The following CIT variants were observed in gnomAD, a reference collection of about 807,000 sequenced individuals.
CIT encodes citron Rho-interacting kinase.
CIT carries 79 observed loss-of-function variants against 272.7 expected under a neutral mutation model. That is an observed-to-expected ratio of 0.29 (90% CI 0.24 to 0.35). The LOEUF (loss-of-function observed/expected upper bound fraction) is 0.35. Ranked by LOEUF, CIT falls within the 10% of genes least tolerant of loss-of-function variation. CIT has a pLI of 1.00. For synonymous variants in CIT, 948 were observed against 995.6 expected, an observed-to-expected ratio of 0.95 and a Z score of 0.90; for missense variants, 1,909 against 2,618.3, an observed-to-expected ratio of 0.73 and a Z score of 5.91.
chr12:119,713,546 T>C lies in CIT; in HGVS notation c.4409A>G (p.Asp1470Gly). ...CTGGAGACCTGGGGAGTTCATTTTG[T>C]CACGGCAGAAGGCCTCGGTGAAGTG... is the stretch of plus-strand genomic sequence containing the variant. ...ATHFTEAFCRDKMNSPGLQTK... is the reference protein window; with the variant it reads ...ATHFTEAFCRGKMNSPGLQTK... The change falls in exon 34 of 48, where the codon GAC becomes GGC. Residue 1470 changes from aspartate to glycine, a missense_variant. Transcript: ENST00000392521. The surrounding 1 kb of genome is among the most constrained non-coding windows in gnomAD (Gnocchi z 5.2). 1 of 1,614,210 alleles carries C rather than the reference T, an allele frequency of 6.2e-7. No individual in the cohort carries two copies. Among genetic ancestry groups the C allele is most frequent in the Non-Finnish European group, 8.5e-7 (1 of 1,180,030 alleles).
intron 17 of CIT, among the ~76,000 whole-genome samples, chr12:119,772,229 T>A (rs1338388041): frequency 6.6e-6 from 1 of 152,210 alleles, no homozygotes; most frequent in Non-Finnish European, 1.5e-5. Flanking sequence ...TTTTATCCTA[T>A]ATTCTTCTGT....
chr12:119,785,182 C>A, intron 10 of CIT, 117 bp from the exon 11 acceptor site: 1 of 1,073,176 alleles, frequency 9.3e-7, no homozygotes, highest in South Asian at 1.6e-5. Context: ...GATGTTAGGT[C>A]AAATAATGCC....
At chr12:119,823,141 A>T (rs1967869006) in intron 8 of CIT, among the ~76,000 whole-genome samples, 168 bp from the exon 9 acceptor site, 1 of 152,090 alleles carries the variant, frequency 6.6e-6, no homozygotes. Context: ...TCCCAAAATA[A>T]GTGGCCTGTT....
intron 7 of CIT, among the ~76,000 whole-genome samples, chr12:119,828,721 C>A (rs1290793339): frequency 1.3e-5 from 2 of 152,240 alleles, no homozygotes; most frequent in East Asian, 3.9e-4. Context: ...CACCACCACA[C>A]CCAGCTAACT....
At chr12:119,717,281 A>C (rs1028885206) in intron 32 of CIT, among the ~76,000 whole-genome samples, 1 of 151,870 alleles carries the variant, frequency 6.6e-6, no homozygotes, top group Admixed American at 6.6e-5. Context: ...CGAACTCCCA[A>C]CCTCAGGTGA....
rs367995861 is a variant in CIT at position 119,876,159 on chromosome 12, A to G, written c.10T>C (p.Phe4Leu). The G allele has an allele frequency of 1.2e-6, 2 of 1,612,876 alleles. No individual in the cohort carries two copies. Among genetic ancestry groups the G allele is most frequent in the African/African-American group, 2.7e-5 (2 of 74,868 alleles). ...AAAGGATTCCGCGCTCCATATTTGAACTTCAACATCTCCCCACTGGCGCTG... is the reference window on the plus strand; with the variant it reads ...AAAGGATTCCGCGCTCCATATTTGAGCTTCAACATCTCCCCACTGGCGCTG... MLKFKYGARNPLDA... is the reference protein window; with the variant it reads MLKLKYGARNPLDA... The change falls in exon 2 of 48, where the codon TTC becomes CTC. Residue 4 changes from phenylalanine (F) to leucine (L), a missense_variant. Physicochemically the swap from Phe to Leu is conservative, Grantham distance 22. Around this residue, in one of 8 missense-constraint regions of CIT, gnomAD observed 529 missense variants for 549.6 expected, o/e 0.96. Transcript: ENST00000392521.
chr12:119,817,719 G>C (rs1215402748), intron 9 of CIT, among the ~76,000 whole-genome samples: 1 of 152,096 alleles, frequency 6.6e-6, no homozygotes, highest in East Asian at 1.9e-4. Context: ...ACCAGCACCT[G>C]ACATTGCACT....
At chr12:119,847,662 G>A (rs1180809489) in intron 5 of CIT, among the ~76,000 whole-genome samples, 2 of 151,950 alleles carry the variant, frequency 1.3e-5, no homozygotes, top group African/African-American at 2.4e-5. Context: ...AGGCCAAGGC[G>A]GGCAGATCAT....
intron 9 of CIT, among the ~76,000 whole-genome samples, chr12:119,807,890 TA>T (rs59380143): frequency 5.5e-4 from 79 of 143,830 alleles, no homozygotes; most frequent in Admixed American, 5.6e-4. Flanking sequence ...GAAAAGCCAC[TA>T]AAAAAAAAAA....
At chr12:119,822,576 GGATAATATTCTAAAGGC>G (rs1967813424) in intron 9 of CIT, among the ~76,000 whole-genome samples, 1 of 152,102 alleles carries the variant, frequency 6.6e-6, no homozygotes, top group Non-Finnish European at 1.5e-5. Context: ...ACTTACTGAG[GGATAATATTCTAAAGGC>G]CACATAAACA....
Position 119,752,200 on chromosome 12 carries a change from G to A in CIT, c.2754C>T (p.Leu918=), listed in dbSNP as rs1413643019. The A allele has an allele frequency of 6.8e-6, 11 of 1,611,142 alleles. No homozygotes were observed. The highest frequency in any genetic ancestry group is 8.5e-6 in the Non-Finnish European group (10 of 1,179,864). The change falls in exon 23 of 48, where the codon CTC becomes CTT. Residue 918 remains leucine (L), a synonymous_variant. Coordinates refer to ENST00000392521, the MANE Select transcript of CIT (RefSeq NM_001206999.2). The part of the protein sequence containing the change: ...EEQKLELKRQ[L]TELQLSLQER... The stretch of plus-strand genomic sequence containing the variant: ...CCTGCAGGGAGAGCTGTAGCTCTGT[G>A]AGCTGGCGCTTGAGCTCCAGTTTCT...
At chr12:119,832,630 G>C in intron 7 of CIT, 141 bp downstream of exon 7, 1 of 610,594 alleles carries the variant, frequency 1.6e-6, no homozygotes, top group Non-Finnish European at 2.9e-6. Flanking sequence ...AAATGGTTCT[G>C]TGTCCCTGTC....
chr12:119,851,807 C>T (rs975291381), intron 4 of CIT, among the ~76,000 whole-genome samples: 1 of 152,182 alleles, frequency 6.6e-6, no homozygotes, highest in African/African-American at 2.4e-5. Flanking sequence ...GAGGCCAAGG[C>T]CGGAAGACTG....
At chr12:119,737,844 T>C (rs371814907) in intron 24 of CIT, among the ~76,000 whole-genome samples, 2 of 152,330 alleles carry the variant, frequency 1.3e-5, no homozygotes, top group East Asian at 1.9e-4. Context: ...ACCCAAGCCA[T>C]AACACATTTA....
rs558401364 is a variant in CIT at position 119,874,556 on chromosome 12, A to T, written c.96+1517T>A. The stretch of plus-strand genomic sequence containing the variant: ...TACATCAGAAACAAAAGAATTAAAA[A>T]TCTATTTGGAAGTAATCTTATGATA... On this transcript the variant is annotated intron_variant, in intron 2 of 47. Coordinates refer to ENST00000392521, the MANE Select transcript of CIT (RefSeq NM_001206999.2). 1.4e-4 allele frequency among the ~76,000 whole-genome samples: 21 copies of T among 152,290 alleles called. No individual in the cohort carries two copies. The South Asian group carries it at 4.1e-3, about 30-fold the overall frequency.
intron 10 of CIT, among the ~76,000 whole-genome samples, chr12:119,793,773 C>T (rs371987290): frequency 4.6e-5 from 7 of 152,216 alleles, no homozygotes; most frequent in African/African-American, 1.7e-4. Flanking sequence ...GATGCTTGCT[C>T]CTTTGCATTC....
Position 119,690,160 on chromosome 12 carries a change from C to G in CIT, c.6177G>C (p.Gln2059His). The change falls in exon 47 of 48, where the codon CAG becomes CAC. Residue 2059 changes from glutamine (Q) to histidine (H), a missense_variant. By Grantham distance (24) the Gln-to-His change is conservative (BLOSUM62 0). Transcript: ENST00000392521. This position sits in a 1 kb window ranked among gnomAD's most constrained non-coding sequence, Gnocchi z 6.0. ...CGGAATGCTGCCTCACCTTGTTCACCTGGGACAGCGGGGTCCTCACGGCTC... is the reference window on the plus strand; with the variant it reads ...CGGAATGCTGCCTCACCTTGTTCACGTGGGACAGCGGGGTCCTCACGGCTC... ...PAGAVRTPLS[Q>H]VNKVWDQSSV The G allele has an allele frequency of 6.8e-7, 1 of 1,471,492 alleles. No individual in the cohort carries two copies. The highest frequency in any genetic ancestry group is 1.4e-5 in the African/African-American group (1 of 69,016). 91.2% of individuals were successfully genotyped at this position (1,471,492 alleles called of 1,614,324 possible). A position where few individuals can be genotyped will look rare whatever the true frequency, so the allele number is the denominator to read the frequency against.
In CIT at chr12:119,710,458, A is replaced by G; in HGVS notation, c.4936-72T>C. On this transcript the variant is annotated intron_variant, in intron 38 of 47. Transcript: ENST00000392521. This position sits in a 1 kb window ranked among gnomAD's most constrained non-coding sequence, Gnocchi z 5.6. The stretch of plus-strand genomic sequence containing the variant: ...ACCAGAACAATCTCTAGTAAGAGCA[A>G]CAAGGCCTCCACAGCCCTTTCTTTC... The G allele has an allele frequency of 6.2e-7, 1 of 1,612,782 alleles. No homozygotes were observed.
Position 119,839,129 on chromosome 12 carries a change from T to G in CIT, c.517-4901A>C, listed in dbSNP as rs1302720315. ...ATCTCACATGTGTTCAGTTTGGAAGTAGCGGCTGCTTCTCTGTTGGTGTTT... is the reference window on the plus strand; with the variant it reads ...ATCTCACATGTGTTCAGTTTGGAAGGAGCGGCTGCTTCTCTGTTGGTGTTT... On this transcript the variant is annotated intron_variant, in intron 5 of 47. Transcript: ENST00000392521. 3.3e-5 allele frequency among the ~76,000 whole-genome samples: 5 copies of G among 152,220 alleles called. No individual in the cohort carries two copies. The East Asian group carries it at 7.7e-4, about 23-fold the overall frequency.
Sources: gnomAD v4.1 joint callset for allele counts (sites outside exome capture counted in the v4.1 genomes callset) on GRCh38, gnomAD v4.1.1 for gene constraint, gnomAD v4.1.1 regional missense constraint, Gnocchi (gnomAD v3.1) non-coding constraint, MANE v1.5 for transcripts, NCBI Gene and HGNC (gene_info 2026-07-23, HGNC 2026-07-21) for gene names.